The following PIK3C2G variants were observed in gnomAD, a reference collection of about 807,000 sequenced individuals.
PIK3C2G encodes phosphatidylinositol-4-phosphate 3-kinase catalytic subunit type 2 gamma.
A neutral mutation model predicts 181.1 loss-of-function variants in PIK3C2G; 168 were observed. The ratio of observed to expected loss-of-function variants is 0.93; its 90% CI spans 0.82 to 1.05. PIK3C2G has a LOEUF of 1.05. Among genes scored for constraint, PIK3C2G ranks in the 50% least tolerant of loss-of-function variants. The probability of loss-of-function intolerance (pLI) is 0.00; values close to 1 mark genes in which losing one functional copy is unlikely to be tolerated. For missense variants in PIK3C2G, 1,869 were observed against 1,732.8 expected, an observed-to-expected ratio of 1.08 and a Z score of -1.40; for synonymous variants, 573 against 592.2, an observed-to-expected ratio of 0.97 and a Z score of 0.47.
At chr12:18,245,908 A>G (rs1948034960), upstream of PIK3C2G, among the ~76,000 whole-genome samples, 1 of 152,156 alleles carries the variant, frequency 6.6e-6, no homozygotes, top group Admixed American at 6.5e-5. Flanking sequence ...CAATGTTACC[A>G]TTGCCACTAG....
intron 11 of PIK3C2G, among the ~76,000 whole-genome samples, chr12:18,361,321 ATT>A (rs1941217705): frequency 6.6e-6 from 1 of 151,672 alleles, no homozygotes. Context: ...ATAATTTTTC[ATT>A]GAGTATCTTT....
At chr12:18,398,489 AT>A (rs1398426383) in intron 15 of PIK3C2G, among the ~76,000 whole-genome samples, 1 of 152,276 alleles carries the variant, frequency 6.6e-6, no homozygotes, top group Non-Finnish European at 1.5e-5. Context: ...CCTTTAAAAG[AT>A]TTTTTTATGT....
At chr12:18,652,996 C>A (rs1950583872), downstream of PIK3C2G, among the ~76,000 whole-genome samples, 1 of 152,004 alleles carries the variant, frequency 6.6e-6, no homozygotes, top group Admixed American at 6.6e-5. Context: ...GAGCTGGAAT[C>A]TTTGGACACA....
chr12:18,424,519 T>C (rs1945678957), intron 18 of PIK3C2G: 1 of 162,618 alleles, frequency 6.1e-6, no homozygotes, highest in African/African-American at 2.4e-5. Context: ...ATTTGAAATA[T>C]TATTAGTGAA....
At chr12:18,289,076 A>T (rs1264569532) in intron 3 of PIK3C2G, among the ~76,000 whole-genome samples, 2 of 152,230 alleles carry the variant, frequency 1.3e-5, no homozygotes, top group African/African-American at 4.8e-5. Flanking sequence ...TTATAAAATG[A>T]TTAAATGTAT....
rs114115833 is a variant in PIK3C2G at position 18,548,095 on chromosome 12, G to A, written c.3590+1663G>A. Among the ~76,000 whole-genome samples the A allele has an allele frequency of 6.6e-5, 10 of 151,966 alleles. No homozygotes were observed. The East Asian group carries it at 1.4e-3, about 21-fold the overall frequency. On this transcript the variant is annotated intron_variant, in intron 26 of 32. Coordinates refer to ENST00000538779, the MANE Select transcript of PIK3C2G (RefSeq NM_001288772.2). Reference sequence around the variant, plus strand: ...GAGTACAAAACTCCATCCCATGCAGGTGGGTTTACGTGGTAGCAAAAATAG... The same window carrying A: ...GAGTACAAAACTCCATCCCATGCAGATGGGTTTACGTGGTAGCAAAAATAG...
At chr12:18,720,870 A>T in the PIK3C2G span, among the ~76,000 whole-genome samples, 1 of 152,146 alleles carries the variant, frequency 6.6e-6, no homozygotes, top group Non-Finnish European at 1.5e-5. Flanking sequence ...ATTAAGAATA[A>T]TGTATCATAA....
At chr12:18,339,731 C>A (rs1465598846) in intron 9 of PIK3C2G, among the ~76,000 whole-genome samples, 1 of 152,038 alleles carries the variant, frequency 6.6e-6, no homozygotes, top group Admixed American at 6.6e-5. Flanking sequence ...CTTTCTAGAT[C>A]TTATTTAATC....
rs1941631252 is a variant in PIK3C2G at position 18,503,396 on chromosome 12, C to T, written c.3132C>T (p.His1044=). ...AAAAGTGGTTCAGTCAGCACAACCACTTAAAGGCAGATTATGAAAAGGTTT... is the reference window on the plus strand; with the variant it reads ...AAAAGTGGTTCAGTCAGCACAACCATTTAAAGGCAGATTATGAAAAGGTTT... ...TIKKWFSQHN[H]LKADYEKALR... The change falls in exon 23 of 33, where the codon CAC becomes CAT. Residue 1044 remains histidine (H), a synonymous_variant. Transcript: ENST00000538779. The T allele has an allele frequency of 1.2e-6, 2 of 1,607,684 alleles. No homozygotes were observed. Among genetic ancestry groups the T allele is most frequent in the African/African-American group, 2.7e-5 (2 of 74,700 alleles).
chr12:18,391,886 T>G (rs577345319), intron 15 of PIK3C2G, among the ~76,000 whole-genome samples: 262 of 151,858 alleles, frequency 1.7e-3, no homozygotes, highest in African/African-American at 5.7e-3. Context: ...TGTGTGTGTG[T>G]GTGAGAGAGA....
intron 24 of PIK3C2G, among the ~76,000 whole-genome samples, chr12:18,514,933 A>G (rs1230013948): frequency 6.6e-6 from 1 of 151,884 alleles, no homozygotes. Flanking sequence ...TAATTTGTTG[A>G]GAGTTTTTAT....
chr12:18,399,534 G>A (rs528803394), intron 15 of PIK3C2G, 125 bp from the exon 16 acceptor site: 13 of 445,942 alleles, frequency 2.9e-5, no homozygotes, highest in Non-Finnish European at 4.3e-5. Flanking sequence ...GGTAAAAGAT[G>A]TTTTTGAAAG....
intron 29 of PIK3C2G, among the ~76,000 whole-genome samples, chr12:18,584,572 A>C (rs907086785): frequency 2.0e-5 from 3 of 152,148 alleles, no homozygotes; most frequent in Non-Finnish European, 4.4e-5. Context: ...TGAATTATTG[A>C]CATCTCTGAA....
At chr12:18,688,233 A>G in the PIK3C2G span, 1 of 1,596,214 alleles carries the variant, frequency 6.3e-7, no homozygotes, top group Non-Finnish European at 8.5e-7. Flanking sequence ...ACAAATATAT[A>G]TGAATATAAG....
chr12:18,364,657 G>A (rs1303533107), intron 12 of PIK3C2G, among the ~76,000 whole-genome samples: 1 of 152,066 alleles, frequency 6.6e-6, no homozygotes, highest in East Asian at 1.9e-4. Flanking sequence ...CAACACTTCA[G>A]GAGGCTAAGG....
chr12:18,607,918 GA>G (rs1274187223), intron 30 of PIK3C2G, among the ~76,000 whole-genome samples: 32 of 152,164 alleles, frequency 2.1e-4, no homozygotes, highest in African/African-American at 7.2e-4. Context: ...CTCAAAAGAA[GA>G]CATTTATGCA....
chr12:18,572,315 T>C (rs962685321), intron 29 of PIK3C2G, among the ~76,000 whole-genome samples: 6 of 147,812 alleles, frequency 4.1e-5, no homozygotes, highest in African/African-American at 9.8e-5. Flanking sequence ...TATAAAGTTA[T>C]ATATCATACG....
intron 14 of PIK3C2G, among the ~76,000 whole-genome samples, chr12:18,388,044 G>A (rs1318069930): frequency 1.3e-5 from 2 of 152,146 alleles, no homozygotes; most frequent in Non-Finnish European, 2.9e-5. Flanking sequence ...GCGTTAGGAA[G>A]AAGCACCAGT....
At chr12:18,265,938 C>T (rs904602253) in intron 1 of PIK3C2G, among the ~76,000 whole-genome samples, 129 of 143,230 alleles carry the variant, frequency 9.0e-4, no homozygotes, top group African/African-American at 3.1e-3. Context: ...CGCTTGAACC[C>T]GGGAGGCAGA....
Sources: allele counts gnomAD v4.1 joint callset (sites outside exome capture counted in the v4.1 genomes callset), GRCh38; gene constraint gnomAD v4.1.1; transcripts MANE v1.5; gene names NCBI Gene and HGNC (gene_info 2026-07-23, HGNC 2026-07-21).